TBC1D5: variants seen among roughly 807,000 people sequenced by gnomAD.
TBC1D5 encodes the protein TBC1 domain family, member 5.
In TBC1D5, 75 loss-of-function variants were observed where a neutral mutation model predicts 100.3. The ratio of observed to expected loss-of-function variants is 0.75; its 90% CI spans 0.62 to 0.91. The LOEUF (loss-of-function observed/expected upper bound fraction) is 0.91, where lower values mean the gene tolerates loss of function less well. TBC1D5 is among the 40% of genes least tolerant of loss of function. TBC1D5 has a pLI of 0.00. For synonymous variants in TBC1D5, 323 were observed against 325.6 expected (o/e 0.99, Z 0.09); for missense variants, 910 against 942.4 (o/e 0.97, Z 0.45).
At chr3:17,650,624 C>A (rs1033900396) in intron 1 of TBC1D5, among the ~76,000 whole-genome samples, 8 of 152,256 alleles carry the variant, frequency 5.3e-5, no homozygotes, top group African/African-American at 1.9e-4. Context: ...GAATTTGGTA[C>A]GATTCTCCCA....
chr3:17,515,460 A>G lies in TBC1D5; in HGVS notation c.-35-6855T>C, dbSNP rs139642628. ...GAAGCAAAGCTATTTAAACCACTATACATATTAACTTATTTAAACCTTACA... is the reference window on the plus strand; with the variant it reads ...GAAGCAAAGCTATTTAAACCACTATGCATATTAACTTATTTAAACCTTACA... On this transcript the variant is annotated intron_variant, in intron 2 of 21. Transcript: ENST00000253692. Among the ~76,000 whole-genome samples, 87 of 152,336 alleles carry G rather than the reference A, an allele frequency of 5.7e-4. 1 individual carries two copies. The East Asian group carries it at 0.015, about 27-fold the overall frequency.
At chr3:17,163,828 A>G (rs955893120) in intron 21 of TBC1D5, among the ~76,000 whole-genome samples, 3 of 152,206 alleles carry the variant, frequency 2.0e-5, no homozygotes, top group Non-Finnish European at 2.9e-5. Flanking sequence ...TTTTAATTCT[A>G]TTGAATTTTA....
At chr3:17,603,860 G>C (rs1240919558) in intron 2 of TBC1D5, among the ~76,000 whole-genome samples, 3 of 152,044 alleles carry the variant, frequency 2.0e-5, no homozygotes, top group Non-Finnish European at 4.4e-5. Context: ...GGCCAGGCTG[G>C]TCTCAAACTC....
intron 2 of TBC1D5, among the ~76,000 whole-genome samples, chr3:17,547,953 G>C (rs368507228): frequency 1.5e-4 from 23 of 152,218 alleles, no homozygotes; most frequent in Middle Eastern, 6.8e-3. Flanking sequence ...TGATTAAAAT[G>C]TAAGTTGGCT....
intron 17 of TBC1D5, among the ~76,000 whole-genome samples, chr3:17,228,022 G>A (rs1375920831): frequency 6.6e-6 from 1 of 151,986 alleles, no homozygotes; most frequent in East Asian, 1.9e-4. Context: ...TAAGGGGTCT[G>A]GCCTTTATTT....
At chr3:17,274,126 T>TA (rs886355223) in intron 15 of TBC1D5, among the ~76,000 whole-genome samples, 3 of 152,042 alleles carry the variant, frequency 2.0e-5, no homozygotes, top group Admixed American at 6.6e-5. Context: ...GAATAGTTGG[T>TA]AAAAAATAAT....
Position 17,477,478 on chromosome 3 carries a change from T to C in TBC1D5, c.97+30996A>G, listed in dbSNP as rs1024113734. Among the ~76,000 whole-genome samples the C allele has an allele frequency of 2.1e-4, 32 of 152,124 alleles. No homozygotes were observed. The East Asian group carries it at 5.6e-3, about 27-fold the overall frequency. On this transcript the variant is annotated intron_variant, in intron 3 of 21. Transcript: ENST00000253692. The stretch of plus-strand genomic sequence containing the variant: ...GAAATCATCTGTCCCCAAATTGGGA[T>C]TGGTGTTTTCTGTCTGGGATTATAA...
intron 2 of TBC1D5, chr3:17,586,312 T>A (rs1300142119): frequency 6.6e-6 from 1 of 152,162 alleles, no homozygotes; most frequent in African/African-American, 2.4e-5. Context: ...ATTGAGAGTA[T>A]TCTATCTTAA....
chr3:17,550,756 T>C (rs1576652975), intron 2 of TBC1D5, among the ~76,000 whole-genome samples: 1 of 152,294 alleles, frequency 6.6e-6, no homozygotes, highest in East Asian at 1.9e-4. Context: ...CACAAAATGT[T>C]ATTTTGCCAT....
At chr3:17,513,460 G>C (rs976545075) in intron 2 of TBC1D5, among the ~76,000 whole-genome samples, 2 of 152,108 alleles carry the variant, frequency 1.3e-5, no homozygotes, top group Non-Finnish European at 2.9e-5. Flanking sequence ...CACCACATGA[G>C]CAGAACCTCT....
intron 3 of TBC1D5, among the ~76,000 whole-genome samples, chr3:17,460,294 C>T (rs2095177914): frequency 1.3e-5 from 2 of 152,156 alleles, no homozygotes; most frequent in South Asian, 4.1e-4. Context: ...TAGAGAGGGT[C>T]AGAAAAATCT....
chr3:17,518,753 C>A (rs1299473682), intron 2 of TBC1D5: 2 of 152,302 alleles, frequency 1.3e-5, no homozygotes, highest in Non-Finnish European at 2.9e-5. Flanking sequence ...CTTAAGCCGT[C>A]TGCAAAGGGC....
At position 17,299,128 on chromosome 3, in the gene TBC1D5, G is replaced by C. The variant is rs115069702; in HGVS notation, c.1139-7127C>G. On this transcript the variant is annotated intron_variant, in intron 14 of 21. Coordinates refer to ENST00000253692, the Ensembl canonical transcript of TBC1D5. The stretch of plus-strand genomic sequence containing the variant: ...GCTTTAGGGCTTTAAGTAAAACAAG[G>C]GTTACTTGAACACAAGCACTGTGAT... 1.3e-3 allele frequency among the ~76,000 whole-genome samples: 201 copies of C among 152,214 alleles called. 1 individual carries two copies. Among genetic ancestry groups the C allele is most frequent in the Non-Finnish European group, 2.3e-3 (153 of 67,996 alleles).
chr3:17,396,808 A>G (rs944765358), intron 8 of TBC1D5, among the ~76,000 whole-genome samples: 1 of 152,160 alleles, frequency 6.6e-6, no homozygotes, highest in African/African-American at 2.4e-5. Context: ...CATATCTAAA[A>G]GTTCAACATG....
At chr3:17,464,876 A>AG (rs953799017) in intron 3 of TBC1D5, among the ~76,000 whole-genome samples, 3 of 152,052 alleles carry the variant, frequency 2.0e-5, no homozygotes, top group African/African-American at 7.3e-5. Context: ...ATAAAAAAAA[A>AG]CAGTATTCTG....
At chr3:17,637,750 T>G (rs187964525) in intron 1 of TBC1D5, among the ~76,000 whole-genome samples, 1 of 152,276 alleles carries the variant, frequency 6.6e-6, no homozygotes, top group East Asian at 1.9e-4. Flanking sequence ...GTATGGCCAT[T>G]CATATGTTAT....
chr3:17,224,297 T>C (rs140118029), intron 17 of TBC1D5, among the ~76,000 whole-genome samples: 7 of 152,328 alleles, frequency 4.6e-5, no homozygotes, highest in African/African-American at 1.7e-4. Flanking sequence ...CTGGAATATC[T>C]GAAAATAATT....
intron 19 of TBC1D5, among the ~76,000 whole-genome samples, chr3:17,178,287 G>A (rs547903441): frequency 3.4e-4 from 51 of 151,966 alleles, no homozygotes; most frequent in African/African-American, 7.2e-4. Flanking sequence ...GGATGGTCTC[G>A]ATCTCCTGAC....
chr3:17,218,985 T>G (rs1220973338), intron 17 of TBC1D5, among the ~76,000 whole-genome samples: 2 of 151,956 alleles, frequency 1.3e-5, no homozygotes, highest in Non-Finnish European at 2.9e-5. Flanking sequence ...TTTCTTCAAC[T>G]ATTCCATCTG....
Sources: gnomAD v4.1 joint callset for allele counts (sites outside exome capture counted in the v4.1 genomes callset) on GRCh38, gnomAD v4.1.1 for gene constraint, MANE v1.5 for transcripts, NCBI Gene and HGNC (gene_info 2026-07-23, HGNC 2026-07-21) for gene names.